INTS7: variants seen among roughly 807,000 people sequenced by gnomAD.
INTS7 encodes the protein chromosome 1 open reading frame 73.
In INTS7, 46 loss-of-function variants were observed where a neutral mutation model predicts 109.2. The ratio of observed to expected loss-of-function variants is 0.42; its 90% CI spans 0.33 to 0.54. The LOEUF (loss-of-function observed/expected upper bound fraction) is 0.54. Ranked by LOEUF, INTS7 falls within the 20% of genes least tolerant of loss-of-function variation. The probability of loss-of-function intolerance (pLI) is 0.07; values close to 1 mark genes in which losing one functional copy is unlikely to be tolerated. For missense variants in INTS7, 929 were observed against 1,132.4 expected (o/e 0.82, Z 2.58); for synonymous variants, 412 against 402.9 (o/e 1.02, Z -0.27).
chr1:212,008,606 G>A (rs754920547), intron 5 of INTS7, among the ~76,000 whole-genome samples: 12 of 152,142 alleles, frequency 7.9e-5, no homozygotes, highest in Non-Finnish European at 1.6e-4. Flanking sequence ...CCCGACGTCA[G>A]ACGCATGTAT....
intron 18 of INTS7, 86 bp from the exon 19 acceptor site, chr1:211,945,055 G>T: frequency 7.4e-7 from 1 of 1,349,488 alleles, no homozygotes. Flanking sequence ...ACTGGTTACA[G>T]GTTAACAAAT....
At chr1:211,950,463 G>A (rs1004407159) in intron 17 of INTS7, among the ~76,000 whole-genome samples, 1 of 152,012 alleles carries the variant, frequency 6.6e-6, no homozygotes, top group Non-Finnish European at 1.5e-5. Flanking sequence ...GTACAGATGG[G>A]GTTTCACCAT....
intron 16 of INTS7, among the ~76,000 whole-genome samples, chr1:211,961,632 T>G (rs965981867): frequency 6.6e-6 from 1 of 152,072 alleles, no homozygotes; most frequent in Non-Finnish European, 1.5e-5. Context: ...TTTTACCATG[T>G]TGGCCAGGCT....
chr1:211,985,901 C>T (rs1294326545), intron 8 of INTS7, among the ~76,000 whole-genome samples: 3 of 152,200 alleles, frequency 2.0e-5, no homozygotes, highest in Non-Finnish European at 4.4e-5. Context: ...CTAAGAAACA[C>T]ACTGGGTGAT....
intron 4 of INTS7, among the ~76,000 whole-genome samples, chr1:212,012,392 G>C (rs1288522785): frequency 6.6e-6 from 1 of 152,146 alleles, no homozygotes; most frequent in Non-Finnish European, 1.5e-5. Context: ...CATCAGTACT[G>C]ACGAAGATAT....
chr1:211,987,954 C>A lies in INTS7; in HGVS notation c.929G>T (p.Gly310Val). 6.2e-7 allele frequency: 1 copy of A among 1,612,808 alleles called. No individual in the cohort carries two copies. Among genetic ancestry groups the A allele is most frequent in the Non-Finnish European group, 8.5e-7 (1 of 1,179,044 alleles). ...LQTPYDSLKL[G>V]MLSVLSTLSG... Reference sequence around the variant, plus strand: ...TAGTGTGGAAAGGACAGACAACATCCCTAGTTTTAAGCTGTCATAAGGAGT... The same window carrying A: ...TAGTGTGGAAAGGACAGACAACATCACTAGTTTTAAGCTGTCATAAGGAGT... The change falls in exon 8 of 20, where the codon GGG (glycine) becomes GTG (valine). Residue 310 changes from glycine (G) to valine (V), a missense_variant. Coordinates refer to ENST00000366994, the MANE Select transcript of INTS7 (RefSeq NM_015434.4).
chr1:211,986,894 T>C (rs540015010), intron 8 of INTS7, among the ~76,000 whole-genome samples: 1 of 152,342 alleles, frequency 6.6e-6, no homozygotes, highest in African/African-American at 2.4e-5. Flanking sequence ...GAAAGTATCA[T>C]ATACTATGCG....
chr1:211,959,393 G>A lies in INTS7; in HGVS notation c.2184-6692C>T, dbSNP rs1032646906. Among the ~76,000 whole-genome samples, 1 of 152,118 alleles carries A rather than the reference G, an allele frequency of 6.6e-6. No individual in the cohort carries two copies. The highest frequency in any genetic ancestry group is 1.5e-5 in the Non-Finnish European group (1 of 67,994). On this transcript the variant is annotated intron_variant, in intron 16 of 19. Coordinates refer to ENST00000366994, the MANE Select transcript of INTS7 (RefSeq NM_015434.4). This position sits in a 1 kb window ranked among gnomAD's most constrained non-coding sequence, Gnocchi z 4.2. Reference sequence around the variant, plus strand: ...TTGCAGTGCAGCCTTGGGTGTCCTGGGGGGCCTGCATCATAGCTCCTGTGC... The same window carrying A: ...TTGCAGTGCAGCCTTGGGTGTCCTGAGGGGCCTGCATCATAGCTCCTGTGC...
At position 211,960,309 on chromosome 1, in the gene INTS7, G is replaced by T. The variant is rs77812223; in HGVS notation, c.2183+6121C>A. 6.8e-3 allele frequency among the ~76,000 whole-genome samples: 1,037 copies of T among 151,832 alleles called. 16 individuals are homozygous for T. Among genetic ancestry groups the T allele is most frequent in the African/African-American group, 0.023 (968 of 41,372 alleles). On this transcript the variant is annotated intron_variant, in intron 16 of 19. Transcript: ENST00000366994. ...GGATTAAAAAAAAAAACATGCAAAG[G>T]ACAGCAACTTCAAAGATCGAAGGAC...
chr1:211,974,052 A>C (rs1042325849), intron 13 of INTS7, among the ~76,000 whole-genome samples: 16 of 152,088 alleles, frequency 1.1e-4, no homozygotes, highest in Admixed American at 9.2e-4. Context: ...AATATTCAAC[A>C]GAATTTTTCA....
Position 211,942,147 on chromosome 1 carries a change from T to C in INTS7, c.2602-36A>G. On this transcript the variant is annotated intron_variant, in intron 19 of 19. Coordinates refer to ENST00000366994, the MANE Select transcript of INTS7 (RefSeq NM_015434.4). This position sits in a 1 kb window ranked among gnomAD's most constrained non-coding sequence, Gnocchi z 4.2. ...ACAATTGTTAACTAACAACAATGGC[T>C]AACATTTCTTCAGTGCTTACTATGA... is the stretch of plus-strand genomic sequence containing the variant. 1.3e-6 allele frequency: 2 copies of C among 1,599,114 alleles called. No individual in the cohort carries two copies. The highest frequency in any genetic ancestry group is 1.7e-6 in the Non-Finnish European group (2 of 1,171,292).
At chr1:211,991,181 T>C (rs1665128129) in intron 7 of INTS7, among the ~76,000 whole-genome samples, 1 of 152,166 alleles carries the variant, frequency 6.6e-6, no homozygotes, top group South Asian at 2.1e-4. Context: ...TTATGGGGGA[T>C]AAACCAATTT....
At chr1:212,002,497 T>A (rs541769838) in intron 7 of INTS7, among the ~76,000 whole-genome samples, 9 of 152,284 alleles carry the variant, frequency 5.9e-5, no homozygotes, top group African/African-American at 1.9e-4. Flanking sequence ...TTCCCTACCA[T>A]CACCTAACAT....
rs1662862213 is a variant in INTS7 at position 211,946,702 on chromosome 1, T to C, written c.2320A>G (p.Thr774Ala). ...RKYTPVSYMHTACLCNAIIAL... is the reference protein window; with the variant it reads ...RKYTPVSYMHAACLCNAIIAL... The stretch of plus-strand genomic sequence containing the variant: ...ATGATGGCATTGCAGAGGCATGCTG[T>C]GTGCTGGGGGAAAAAAGAAACTAAA... The change falls in exon 18 of 20, where the codon ACA becomes GCA. Residue 774 changes from threonine (T) to alanine (A), a missense_variant. By Grantham distance (58) the Thr-to-Ala change is moderately conservative. Coordinates refer to ENST00000366994, the MANE Select transcript of INTS7 (RefSeq NM_015434.4). This position sits in a 1 kb window ranked among gnomAD's most constrained non-coding sequence, Gnocchi z 4.3. 6.2e-7 allele frequency: 1 copy of C among 1,600,136 alleles called. No individual in the cohort carries two copies. Among genetic ancestry groups the C allele is most frequent in the East Asian group, 2.2e-5 (1 of 44,800 alleles).
At chr1:211,994,248 T>A (rs1261005598) in intron 7 of INTS7, among the ~76,000 whole-genome samples, 1 of 152,150 alleles carries the variant, frequency 6.6e-6, no homozygotes, top group Non-Finnish European at 1.5e-5. Flanking sequence ...AAAATTCAAA[T>A]TCAAAATCAA....
chr1:212,020,272 G>A lies in INTS7; in HGVS notation c.225-4C>T. 2 of 1,525,838 alleles carry A rather than the reference G, an allele frequency of 1.3e-6. No homozygotes were observed. The highest frequency in any genetic ancestry group is 1.8e-6 in the Non-Finnish European group (2 of 1,124,886). The allele number at this position is 1,525,838 out of a possible 1,614,324, so 94.5% of individuals were successfully genotyped here. On this transcript the variant is annotated splice_region_variant and splice_polypyrimidine_tract_variant and intron_variant, in intron 2 of 19. Coordinates refer to ENST00000366994, the MANE Select transcript of INTS7 (RefSeq NM_015434.4). ...ACATAGCCTCAGGAAATTATTTCTA[G>A]AAAAACCAGAAATAAATTAGGTCAC...
chr1:211,973,027 T>C (rs889181377), intron 13 of INTS7, among the ~76,000 whole-genome samples: 7 of 152,220 alleles, frequency 4.6e-5, no homozygotes, highest in African/African-American at 1.7e-4. Context: ...CTCAGCTCAC[T>C]GCAACCTCCT....
At chr1:212,006,227 T>A (rs1665903570) in intron 7 of INTS7, among the ~76,000 whole-genome samples, 2 of 152,144 alleles carry the variant, frequency 1.3e-5, no homozygotes, top group Admixed American at 1.3e-4. Flanking sequence ...TGTCTTCAGC[T>A]CTCCAGGAAG....
chr1:211,949,589 T>C (rs932288402), intron 17 of INTS7, among the ~76,000 whole-genome samples: 1 of 152,234 alleles, frequency 6.6e-6, no homozygotes, highest in Non-Finnish European at 1.5e-5. Context: ...TTAGTTTGGA[T>C]TACTGAAAAA....
Sources: gnomAD v4.1 joint callset for allele counts (sites outside exome capture counted in the v4.1 genomes callset) on GRCh38, gnomAD v4.1.1 for gene constraint, Gnocchi (gnomAD v3.1) non-coding constraint, MANE v1.5 for transcripts, NCBI Gene and HGNC (gene_info 2026-07-23, HGNC 2026-07-21) for gene names.